The following C11orf97 variants were observed in gnomAD, a reference collection of about 807,000 sequenced individuals.
C11orf97 encodes the protein chromosome 11 open reading frame 97.
In C11orf97, 15 loss-of-function variants were observed where a neutral mutation model predicts 16.2. The observed-to-expected ratio is 0.93, with a 90% confidence interval of 0.62 to 1.43. The LOEUF is 1.43. Ranked by LOEUF, C11orf97 falls within the 40% of genes most tolerant of loss-of-function variation. The pLI is 0.00. For missense variants in C11orf97, 171 were observed against 161.2 expected, an observed-to-expected ratio of 1.06 and a Z score of -0.33; for synonymous variants, 61 against 65.7, an observed-to-expected ratio of 0.93 and a Z score of 0.34.
chr11:94,522,249 C>G (rs987672545), intron 2 of C11orf97, among the ~76,000 whole-genome samples: 3 of 152,072 alleles, frequency 2.0e-5, no homozygotes, highest in African/African-American at 7.2e-5. Flanking sequence ...AAACTCACAC[C>G]TCTGGGCTGG....
intron 3 of C11orf97, 46 bp downstream of exon 3, chr11:94,528,255 C>G (rs1947714180): frequency 6.7e-7 from 1 of 1,490,724 alleles, no homozygotes; most frequent in Admixed American, 2.4e-5. Flanking sequence ...CCTGAGGGGA[C>G]TTTACAGTTT....
intron 3 of C11orf97, among the ~76,000 whole-genome samples, chr11:94,531,397 C>G (rs1027155733): frequency 5.9e-5 from 9 of 151,920 alleles, no homozygotes; most frequent in African/African-American, 1.9e-4. Flanking sequence ...CAAGATTGGG[C>G]CACTTCACTC....
At chr11:94,517,383 C>T (rs555708251) in intron 1 of C11orf97, among the ~76,000 whole-genome samples, 200 bp from the exon 2 acceptor site, 1 of 152,308 alleles carries the variant, frequency 6.6e-6, no homozygotes, top group Non-Finnish European at 1.5e-5. Flanking sequence ...TCAGGAATTA[C>T]ATGAAAACGT....
intron 1 of C11orf97, among the ~76,000 whole-genome samples, chr11:94,516,333 T>C (rs1947611199): frequency 6.6e-6 from 1 of 152,330 alleles, no homozygotes; most frequent in African/African-American, 2.4e-5. Context: ...TTGTTTAGGT[T>C]TTCATTGGTT....
chr11:94,531,778 T>C (rs919976889), intron 3 of C11orf97, 118 bp from the exon 4 acceptor site: 9 of 810,974 alleles, frequency 1.1e-5, no homozygotes, highest in Middle Eastern at 2.4e-4. Flanking sequence ...GGTGTGGCTC[T>C]TACATTCTGC....
In C11orf97 at chr11:94,528,070, A is replaced by G. The variant is rs959174087; in HGVS notation, c.251-14A>G. On this transcript the variant is annotated splice_polypyrimidine_tract_variant and intron_variant, in intron 2 of 3. Coordinates refer to ENST00000542198, the MANE Select transcript of C11orf97 (RefSeq NM_001190462.2). ...CGCTAATAATTATTTTCTTGCCTTA[A>G]AAAATATTGACAGTGGCCCTGGAAG... The G allele has an allele frequency of 2.6e-5, 39 of 1,516,466 alleles. No homozygotes were observed. The highest frequency in any genetic ancestry group is 3.3e-5 in the Non-Finnish European group (38 of 1,139,026). 93.9% of individuals were successfully genotyped at this position (1,516,466 alleles called of 1,614,324 possible). A position where few individuals can be genotyped will look rare whatever the true frequency, so the allele number is the denominator to read the frequency against.
At chr11:94,523,157 C>G (rs1947672837) in intron 2 of C11orf97, among the ~76,000 whole-genome samples, 1 of 152,178 alleles carries the variant, frequency 6.6e-6, no homozygotes, top group Non-Finnish European at 1.5e-5. Flanking sequence ...ACTGGGAGAA[C>G]CAATTATTTC....
chr11:94,529,855 A>G (rs1228825479), intron 3 of C11orf97, among the ~76,000 whole-genome samples: 1 of 152,212 alleles, frequency 6.6e-6, no homozygotes, highest in African/African-American at 2.4e-5. Context: ...TAGTGTCCTG[A>G]ATTAATGGTT....
chr11:94,524,395 G>C (rs1947682886), intron 2 of C11orf97, among the ~76,000 whole-genome samples: 1 of 151,952 alleles, frequency 6.6e-6, no homozygotes, highest in African/African-American at 2.4e-5. Context: ...ACAGAGATTT[G>C]AAATTGATTT....
intron 2 of C11orf97, among the ~76,000 whole-genome samples, chr11:94,522,406 G>T (rs900747421): frequency 6.6e-6 from 1 of 152,072 alleles, no homozygotes; most frequent in Non-Finnish European, 1.5e-5. Flanking sequence ...GCGTGGTGGC[G>T]GGTGCCTGTA....
rs112540160 is a variant in C11orf97 at position 94,531,516 on chromosome 11, C to T, written c.377-380C>T. Among the ~76,000 whole-genome samples the T allele has an allele frequency of 8.1e-3, 348 of 42,742 alleles. 5 individuals are homozygous for T. The highest frequency in any genetic ancestry group is 0.028 in the African/African-American group (330 of 11,710). The allele number at this position is 42,742 out of a possible 152,430, so 28.0% of individuals were successfully genotyped here. A position where few individuals can be genotyped will look rare whatever the true frequency, so the allele number is the denominator to read the frequency against. On this transcript the variant is annotated intron_variant, in intron 3 of 3. Coordinates refer to ENST00000542198, the MANE Select transcript of C11orf97 (RefSeq NM_001190462.2). Reference sequence around the variant, plus strand: ...ATCGTTTCCTTCTTATTCTGTGCCACAAAACAAGCCAAAAAAAAAAAAAAA... The same window carrying T: ...ATCGTTTCCTTCTTATTCTGTGCCATAAAACAAGCCAAAAAAAAAAAAAAA...
Position 94,517,693 on chromosome 11 carries a change from C to G in C11orf97, c.250+6C>G. ...CATTAAAAATCCAGCTGCAGGTAAT[C>G]TCAGTGACAAATGAAGTATGTTTGT... On this transcript the variant is annotated splice_donor_region_variant and intron_variant, in intron 2 of 3. Coordinates refer to ENST00000542198, the MANE Select transcript of C11orf97 (RefSeq NM_001190462.2). 6.7e-7 allele frequency: 1 copy of G among 1,496,310 alleles called. No individual in the cohort carries two copies. The highest frequency in any genetic ancestry group is 2.1e-5 in the Admixed American group (1 of 47,302). 92.7% of individuals were successfully genotyped at this position (1,496,310 alleles called of 1,614,324 possible). A position where few individuals can be genotyped will look rare whatever the true frequency, so the allele number is the denominator to read the frequency against.
chr11:94,520,939 C>T (rs897924171), intron 2 of C11orf97, among the ~76,000 whole-genome samples: 2 of 152,182 alleles, frequency 1.3e-5, no homozygotes, highest in Non-Finnish European at 2.9e-5. Flanking sequence ...ATTTCATGCT[C>T]CTATGGCCAG....
At chr11:94,526,548 A>G (rs975785263) in intron 2 of C11orf97, among the ~76,000 whole-genome samples, 1 of 152,142 alleles carries the variant, frequency 6.6e-6, no homozygotes, top group Non-Finnish European at 1.5e-5. Flanking sequence ...CACGTACTGG[A>G]TCTTCACAAA....
intron 1 of C11orf97, 91 bp from the exon 2 acceptor site, chr11:94,517,492 C>T (rs898637678): frequency 2.9e-5 from 19 of 656,296 alleles, no homozygotes; most frequent in Non-Finnish European, 4.2e-5. Context: ...AACATGTCTT[C>T]TTTTAAAAAA....
chr11:94,526,387 T>G (rs1947700936), intron 2 of C11orf97, among the ~76,000 whole-genome samples: 1 of 152,224 alleles, frequency 6.6e-6, no homozygotes, highest in South Asian at 2.1e-4. Flanking sequence ...CAGATGCATT[T>G]CTGGGCATCT....
chr11:94,513,144 G>A (rs1947583271), intron 1 of C11orf97, among the ~76,000 whole-genome samples: 1 of 152,116 alleles, frequency 6.6e-6, no homozygotes, highest in Non-Finnish European at 1.5e-5. Flanking sequence ...CAGTGCAGGC[G>A]AAATACTAAA....
chr11:94,531,207 A>C (rs1249813139), intron 3 of C11orf97, among the ~76,000 whole-genome samples: 2 of 152,184 alleles, frequency 1.3e-5, no homozygotes, highest in East Asian at 3.9e-4. Context: ...TGGGAGGCCA[A>C]GGCGGGCAGA....
At chr11:94,531,110 C>T (rs1373409032) in intron 3 of C11orf97, among the ~76,000 whole-genome samples, 1 of 152,138 alleles carries the variant, frequency 6.6e-6, no homozygotes. Flanking sequence ...AGTTCTAAAG[C>T]ATGTTTCCAT....
Sources: allele counts gnomAD v4.1 joint callset (sites outside exome capture counted in the v4.1 genomes callset), GRCh38; gene constraint gnomAD v4.1.1; transcripts MANE v1.5; gene names NCBI Gene and HGNC (gene_info 2026-07-23, HGNC 2026-07-21).